Variants in PIP4K2A observed in about 807,000 individuals in gnomAD.
The protein encoded by PIP4K2A is phosphatidylinositol 5-phosphate 4-kinase type-2 alpha.
In PIP4K2A, 14 loss-of-function variants were observed where a neutral mutation model predicts 42.9. That is an observed-to-expected ratio of 0.33 (90% CI 0.22 to 0.51). The LOEUF (loss-of-function observed/expected upper bound fraction) is 0.51, where lower values mean the gene tolerates loss of function less well. PIP4K2A is among the 20% of genes least tolerant of loss of function. The pLI is 0.97. For missense variants in PIP4K2A, 434 were observed against 519.8 expected, an observed-to-expected ratio of 0.83 and a Z score of 1.61; for synonymous variants, 192 against 192.2, an observed-to-expected ratio of 1.00 and a Z score of 0.01.
intron 5 of PIP4K2A, 72 bp downstream of exon 5, chr10:22,573,238 AT>A: frequency 7.3e-7 from 1 of 1,373,026 alleles, no homozygotes; most frequent in Non-Finnish European, 1.0e-6. Flanking sequence ...ATTTCTGATG[AT>A]CAATGACAAC....
chr10:22,676,081 C>T (rs546801913), intron 1 of PIP4K2A, among the ~76,000 whole-genome samples: 8 of 146,800 alleles, frequency 5.4e-5, no homozygotes, highest in Non-Finnish European at 1.1e-4. Flanking sequence ...TTCATCTTTT[C>T]GGCTCCTTTT....
At chr10:22,674,702 G>A (rs1357713971) in intron 1 of PIP4K2A, among the ~76,000 whole-genome samples, 1 of 151,940 alleles carries the variant, frequency 6.6e-6, no homozygotes, top group African/African-American at 2.4e-5. Context: ...AGCACTTTGG[G>A]AGGCTAAACG....
intron 3 of PIP4K2A, among the ~76,000 whole-genome samples, chr10:22,605,883 C>T (rs1327825935): frequency 6.6e-6 from 1 of 150,686 alleles, no homozygotes; most frequent in Non-Finnish European, 1.5e-5. Context: ...TTCAGGTGGC[C>T]TCTTTAAATT....
In PIP4K2A at chr10:22,643,875, C is replaced by T. The variant is rs530240537; in HGVS notation, c.145-34158G>A. ...AAGCACCTACCATCACATTACACCA[C>T]GCCTCTGCCTCTTGGAAGGCTCCTG... On this transcript the variant is annotated intron_variant, in intron 1 of 9. Transcript: ENST00000376573. Among the ~76,000 whole-genome samples, 5 of 152,244 alleles carry T rather than the reference C, an allele frequency of 3.3e-5. 1 individual carries two copies. In the South Asian group the frequency reaches 6.2e-4, roughly 19 times the overall value.
Position 22,662,730 on chromosome 10 carries a change from T to A in PIP4K2A, c.144+51453A>T, listed in dbSNP as rs1588692563. On this transcript the variant is annotated intron_variant, in intron 1 of 9. Coordinates refer to ENST00000376573, the MANE Select transcript of PIP4K2A (RefSeq NM_005028.5). Reference sequence around the variant, plus strand: ...AAAATGGAGAAATATATTAGCACAGTATATCTAGAGACACCACAGGGGCAA... The same window carrying A: ...AAAATGGAGAAATATATTAGCACAGAATATCTAGAGACACCACAGGGGCAA... Among the ~76,000 whole-genome samples, 3 of 151,920 alleles carry A rather than the reference T, an allele frequency of 2.0e-5. No individual in the cohort carries two copies. The East Asian group carries it at 5.8e-4, about 29-fold the overall frequency.
rs1564416515 is a variant in PIP4K2A, at chr10:22,550,674, T to C, written c.777A>G (p.Leu259=). 6.4e-7 allele frequency: 1 copy of C among 1,561,522 alleles called. No homozygotes were observed. Among genetic ancestry groups the C allele is most frequent in the South Asian group, 1.1e-5 (1 of 90,116 alleles). ...CTGTTCTTACCTCAACATCCTTTTT[T>C]AGTTTTTCCAGGAAGACCTTCTTGT... ...DNNKKVFLEK[L]KKDVEFLAQL... is the part of the protein sequence containing the mutation. The change falls in exon 7 of 10, where the codon CTA becomes CTG. Residue 259 remains leucine, a synonymous_variant. Transcript: ENST00000376573.
At chr10:22,557,792 T>C (rs992852484) in intron 6 of PIP4K2A, among the ~76,000 whole-genome samples, 10 of 152,142 alleles carry the variant, frequency 6.6e-5, no homozygotes, top group African/African-American at 2.4e-4. Flanking sequence ...TAAATGGCCA[T>C]TAATAACTGG....
intron 1 of PIP4K2A, among the ~76,000 whole-genome samples, chr10:22,612,215 T>C (rs1838061091): frequency 6.6e-6 from 1 of 152,208 alleles, no homozygotes; most frequent in Non-Finnish European, 1.5e-5. Context: ...GACACCAGTC[T>C]TTGTCCTCTT....
intron 3 of PIP4K2A, among the ~76,000 whole-genome samples, chr10:22,593,478 C>G (rs946698424): frequency 6.6e-6 from 1 of 152,162 alleles, no homozygotes; most frequent in Non-Finnish European, 1.5e-5. Context: ...GATGAAAATG[C>G]CTACATTAAC....
At chr10:22,628,566 G>A (rs1838491993) in intron 1 of PIP4K2A, among the ~76,000 whole-genome samples, 3 of 152,208 alleles carry the variant, frequency 2.0e-5, no homozygotes, top group Admixed American at 6.5e-5. Flanking sequence ...ATGTGCCCAA[G>A]GAGGCTGGGG....
intron 1 of PIP4K2A, among the ~76,000 whole-genome samples, chr10:22,664,080 TATATATATACATATATATATATAC>T (rs1564459844): frequency 2.7e-4 from 20 of 73,838 alleles, no homozygotes; most frequent in African/African-American, 2.0e-3. Flanking sequence ...TATATACGTA[TATATATATACATATATATATATAC>T]ATATATATAT....
chr10:22,645,549 TAAAAAA>T (rs71395807), intron 1 of PIP4K2A, among the ~76,000 whole-genome samples: 17 of 126,924 alleles, frequency 1.3e-4, no homozygotes, highest in African/African-American at 5.1e-4. Flanking sequence ...TCTATTTCTT[TAAAAAA>T]AAAAAAAAAA....
At chr10:22,678,443 C>A (rs1031865426) in intron 1 of PIP4K2A, among the ~76,000 whole-genome samples, 4 of 152,080 alleles carry the variant, frequency 2.6e-5, no homozygotes, top group Non-Finnish European at 5.9e-5. Flanking sequence ...ATTTCCCAAA[C>A]CTTTCTGCAT....
chr10:22,545,489 C>T (rs556257530), intron 7 of PIP4K2A, among the ~76,000 whole-genome samples: 10 of 152,324 alleles, frequency 6.6e-5, no homozygotes, highest in South Asian at 2.1e-4. Flanking sequence ...CTGGGTTCCT[C>T]GCCACACCGG....
intron 1 of PIP4K2A, among the ~76,000 whole-genome samples, chr10:22,622,498 C>T (rs1838353130): frequency 6.6e-6 from 1 of 152,230 alleles, no homozygotes. Flanking sequence ...GCCGCTGTCC[C>T]CTGCTCTGCT....
intron 1 of PIP4K2A, among the ~76,000 whole-genome samples, chr10:22,624,941 G>A (rs902623696): frequency 1.3e-5 from 2 of 152,202 alleles, no homozygotes; most frequent in African/African-American, 4.8e-5. Context: ...AATCTTGCCA[G>A]AGAGTTTCAA....
chr10:22,561,816 C>CA (rs532376741), intron 6 of PIP4K2A, among the ~76,000 whole-genome samples: 138 of 152,208 alleles, frequency 9.1e-4, no homozygotes, highest in African/African-American at 3.0e-3. Context: ...CCTGTAGCCT[C>CA]AGCCTCCCTA....
intron 1 of PIP4K2A, among the ~76,000 whole-genome samples, chr10:22,693,073 C>T (rs751440061): frequency 2.0e-5 from 3 of 152,110 alleles, no homozygotes; most frequent in Non-Finnish European, 2.9e-5. Context: ...CTGTTTTAAT[C>T]GATTGGGGTC....
intron 3 of PIP4K2A, among the ~76,000 whole-genome samples, chr10:22,593,207 G>A (rs1837553175): frequency 6.6e-6 from 1 of 152,156 alleles, no homozygotes; most frequent in Non-Finnish European, 1.5e-5. Context: ...CACCACCCTG[G>A]CACCCCCTGT....
Sources: gnomAD v4.1 joint callset for allele counts (sites outside exome capture counted in the v4.1 genomes callset) on GRCh38, gnomAD v4.1.1 for gene constraint, MANE v1.5 for transcripts, NCBI Gene and HGNC (gene_info 2026-07-23, HGNC 2026-07-21) for gene names.